TENM2: variants seen among roughly 807,000 people sequenced by gnomAD.
TENM2 encodes the protein teneurin transmembrane protein 2.
TENM2 carries 52 observed loss-of-function variants against 245.2 expected under a neutral mutation model. The observed-to-expected ratio is 0.21, with a 90% CI of 0.17 to 0.27. The LOEUF (loss-of-function observed/expected upper bound fraction) is 0.27, where lower values mean the gene tolerates loss of function less well. Among genes scored for constraint, TENM2 ranks in the 10% least tolerant of loss-of-function variants. The probability of loss-of-function intolerance (pLI) is 1.00; values close to 1 mark genes in which losing one functional copy is unlikely to be tolerated. For synonymous variants in TENM2, 1,363 were observed against 1,438.9 expected, an observed-to-expected ratio of 0.95 and a Z score of 1.19; for missense variants, 3,046 against 3,666.8, an observed-to-expected ratio of 0.83 and a Z score of 4.37.
intron 8 of TENM2, among the ~76,000 whole-genome samples, chr5:168,096,654 G>A (rs1046900264): frequency 2.0e-5 from 3 of 152,136 alleles, no homozygotes; most frequent in African/African-American, 7.2e-5. Flanking sequence ...AGGTTTAAAG[G>A]CAACACATCC....
chr5:167,252,398 A>G, the TENM2 span, among the ~76,000 whole-genome samples: 17 of 152,292 alleles, frequency 1.1e-4, no homozygotes, highest in African/African-American at 3.6e-4. Flanking sequence ...TTTATCAGTC[A>G]TTGTAGTAAG....
At chr5:167,229,775 T>G in the TENM2 span, among the ~76,000 whole-genome samples, 1 of 152,184 alleles carries the variant, frequency 6.6e-6, no homozygotes, top group Non-Finnish European at 1.5e-5. Context: ...GGCTGTGGTA[T>G]GCCAAGATGG....
chr5:167,513,144 T>C (rs1415970800), intron 2 of TENM2, among the ~76,000 whole-genome samples: 2 of 152,184 alleles, frequency 1.3e-5, no homozygotes, highest in Middle Eastern at 6.3e-3. Flanking sequence ...TTGTTGGCTT[T>C]AATTTAATTG....
At chr5:168,261,736 T>C (rs1768203920) in intron 28 of TENM2, among the ~76,000 whole-genome samples, 1 of 152,166 alleles carries the variant, frequency 6.6e-6, no homozygotes, top group Non-Finnish European at 1.5e-5. Flanking sequence ...CATGACCCGG[T>C]AAGTGTGTAG....
chr5:167,954,917 G>T (rs1257881508), intron 4 of TENM2, among the ~76,000 whole-genome samples: 2 of 152,188 alleles, frequency 1.3e-5, no homozygotes, highest in Non-Finnish European at 2.9e-5. Flanking sequence ...GAATAGTGCT[G>T]CAATAAACAT....
chr5:167,124,199 G>T, the TENM2 span, among the ~76,000 whole-genome samples: 6 of 152,164 alleles, frequency 3.9e-5, no homozygotes, highest in East Asian at 1.9e-4. Flanking sequence ...TTATTTAAGG[G>T]TACTTCTCAG....
At chr5:168,109,327 G>A (rs62383405) in intron 9 of TENM2, among the ~76,000 whole-genome samples, 33,812 of 152,078 alleles carry the variant, frequency 0.22, 4,037 homozygotes, top group African/African-American at 0.25. Context: ...AAGAAGAATC[G>A]CCACCGCCTA....
chr5:167,158,120 C>CT, the TENM2 span, among the ~76,000 whole-genome samples: 1 of 152,224 alleles, frequency 6.6e-6, no homozygotes, highest in South Asian at 2.1e-4. Flanking sequence ...TTTGTTTGCT[C>CT]TTTCATTTCT....
intron 2 of TENM2, among the ~76,000 whole-genome samples, chr5:167,392,762 C>A (rs191729703): frequency 6.6e-6 from 1 of 152,230 alleles, no homozygotes; most frequent in Admixed American, 6.5e-5. Context: ...TCGAGTAATT[C>A]ATGGCAATAA....
At chr5:167,749,631 C>T (rs1376016083) in intron 2 of TENM2, among the ~76,000 whole-genome samples, 1 of 88,200 alleles carries the variant, frequency 1.1e-5, no homozygotes, top group Non-Finnish European at 2.8e-5. Context: ...GAGCTAAACC[C>T]CATCTCAAAA....
the TENM2 span, among the ~76,000 whole-genome samples, chr5:167,160,297 A>C: frequency 6.6e-6 from 1 of 152,236 alleles, no homozygotes; most frequent in African/African-American, 2.4e-5. Flanking sequence ...CTTTGCGTGG[A>C]TTCTGGTCCA....
intron 2 of TENM2, among the ~76,000 whole-genome samples, chr5:167,543,301 G>A (rs6867921): frequency 0.083 from 12,572 of 152,134 alleles, 1,198 homozygotes; most frequent in African/African-American, 0.22. Flanking sequence ...AAGTTGTCCT[G>A]TGTCATCTGT....
chr5:168,228,031 C>A (rs1764391472), exon 25 of TENM2: 1 of 1,613,920 alleles, frequency 6.2e-7, no homozygotes. Flanking sequence ...GACGCTGCAA[C>A]ATCTCCCTGC....
At chr5:167,941,140 A>G (rs1273089202) in intron 3 of TENM2, among the ~76,000 whole-genome samples, 1 of 152,216 alleles carries the variant, frequency 6.6e-6, no homozygotes, top group African/African-American at 2.4e-5. Context: ...GACGTCAGTG[A>G]ATTGTTCAAC....
Position 167,927,755 on chromosome 5 carries a change from G to T in TENM2, c.713-24833G>T, listed in dbSNP as rs1007169338. Among the ~76,000 whole-genome samples, 5 of 152,238 alleles carry T rather than the reference G, an allele frequency of 3.3e-5. No individual in the cohort carries two copies. The South Asian group carries it at 8.3e-4, about 25-fold the overall frequency. On this transcript the variant is annotated intron_variant, in intron 3 of 28. Transcript: ENST00000518659. ...GGGACTCATTAGCTGGAGTGAGGTT[G>T]GTGTCAGGAAAAAAACAGAGCTCCT...
the TENM2 span, among the ~76,000 whole-genome samples, chr5:167,055,613 G>A: frequency 1.3e-5 from 2 of 151,972 alleles, no homozygotes; most frequent in Non-Finnish European, 2.9e-5. Flanking sequence ...TCCTCACATA[G>A]ATCTTGTGCA....
chr5:167,883,609 AGGCATTGTGTACAT>A (rs1774053032), intron 3 of TENM2, among the ~76,000 whole-genome samples: 1 of 152,212 alleles, frequency 6.6e-6, no homozygotes, highest in Admixed American at 6.5e-5. Flanking sequence ...CAGGGTCGAT[AGGCATTGTGTACAT>A]TCTACCTCTC....
intron 5 of TENM2, among the ~76,000 whole-genome samples, chr5:168,018,547 G>A (rs1785864855): frequency 1.3e-5 from 2 of 152,080 alleles, no homozygotes; most frequent in African/African-American, 2.4e-5. Context: ...ACCACCTGGG[G>A]TGGAGGGGGA....
intron 12 of TENM2, among the ~76,000 whole-genome samples, chr5:168,138,316 A>G (rs1755244168): frequency 6.6e-6 from 1 of 152,224 alleles, no homozygotes; most frequent in African/African-American, 2.4e-5. Flanking sequence ...TGTATTGAGG[A>G]TTTCACTGAT....
Sources: allele counts gnomAD v4.1 joint callset (sites outside exome capture counted in the v4.1 genomes callset), GRCh38; gene constraint gnomAD v4.1.1; transcripts MANE v1.5; gene names NCBI Gene and HGNC (gene_info 2026-07-23, HGNC 2026-07-21).